FRMPD4: variants seen among roughly 807,000 people sequenced by gnomAD.
The protein encoded by FRMPD4 is FERM and PDZ domain containing 4, also known as FERM and PDZ domain-containing protein 4.
A neutral mutation model predicts 94.1 loss-of-function variants in FRMPD4; 22 were observed. The ratio of observed to expected loss-of-function variants is 0.23; its 90% CI spans 0.17 to 0.33. The LOEUF is 0.33. Among genes scored for constraint, FRMPD4 ranks in the 10% least tolerant of loss-of-function variants. The probability of loss-of-function intolerance (pLI) is 1.00; values close to 1 mark genes in which losing one functional copy is unlikely to be tolerated. For synonymous variants in FRMPD4, 631 were observed against 548.6 expected, an observed-to-expected ratio of 1.15 and a Z score of -2.10; for missense variants, 1,111 against 1,339.9, an observed-to-expected ratio of 0.83 and a Z score of 2.67.
chrX:12,609,693 GT>G (rs774242326), intron 2 of FRMPD4, 27 bp from the exon 3 acceptor site: 9 of 1,179,610 alleles, frequency 7.6e-6, no homozygotes, highest in African/African-American at 3.5e-5. Flanking sequence ...TTGATGCCTT[GT>G]TTCTCTTGTA....
intron 4 of FRMPD4, among the ~76,000 whole-genome samples, chrX:12,661,270 T>G (rs1364316697): frequency 3.6e-5 from 4 of 112,441 alleles, no homozygotes; most frequent in Non-Finnish European, 5.6e-5. Flanking sequence ...AGCAATACAA[T>G]TATCCAGTTT....
intron 1 of FRMPD4, among the ~76,000 whole-genome samples, chrX:11,862,960 G>GT (rs772255596): frequency 0.076 from 3,631 of 47,617 alleles, 547 homozygotes; most frequent in East Asian, 0.19. Flanking sequence ...AGGGAACTTG[G>GT]TTTTTTTTTT....
At chrX:12,611,602 C>T (rs1206716534) in intron 3 of FRMPD4, among the ~76,000 whole-genome samples, 1 of 112,067 alleles carries the variant, frequency 8.9e-6, no homozygotes, top group African/African-American at 3.2e-5. Context: ...AATGTTTGGC[C>T]AGTTGAGTGT....
At position 12,601,160 on chromosome X, in the gene FRMPD4, C is replaced by T. The variant is rs373280560; in HGVS notation, c.159-8561C>T. Among the ~76,000 whole-genome samples the T allele has an allele frequency of 1.2e-4, 13 of 111,914 alleles. No individual in the cohort carries two copies. The East Asian group carries it at 2.8e-3, about 24-fold the overall frequency. On this transcript the variant is annotated intron_variant, in intron 2 of 16. Transcript: ENST00000675598. Reference sequence around the variant, plus strand: ...GGCTTTTCAAGTACTATGTAAGTTTCCAAGCTTGACTAAACAGTTCTAAAT... The same window carrying T: ...GGCTTTTCAAGTACTATGTAAGTTTTCAAGCTTGACTAAACAGTTCTAAAT...
intron 3 of FRMPD4, among the ~76,000 whole-genome samples, chrX:12,072,948 C>A (rs1215127486): frequency 9.1e-6 from 1 of 109,920 alleles, no homozygotes; most frequent in Non-Finnish European, 1.9e-5. Context: ...TATATTCATG[C>A]AACATGTACT....
intron 1 of FRMPD4, among the ~76,000 whole-genome samples, chrX:11,842,916 A>G (rs1428769231): frequency 1.8e-5 from 2 of 110,713 alleles, no homozygotes; most frequent in Non-Finnish European, 3.8e-5. Flanking sequence ...ATTTTGAGAT[A>G]CATCCCATCA....
chrX:11,878,853 T>A (rs962034022), intron 3 of FRMPD4, among the ~76,000 whole-genome samples: 6 of 111,907 alleles, frequency 5.4e-5, no homozygotes, highest in African/African-American at 1.6e-4. Context: ...ATTCTATGAT[T>A]ATTGAGTGTT....
intron 1 of FRMPD4, among the ~76,000 whole-genome samples, chrX:11,839,820 G>A (rs2053523385): frequency 9.0e-6 from 1 of 110,572 alleles, no homozygotes; most frequent in Admixed American, 9.7e-5. Flanking sequence ...TGTAAAGGCT[G>A]TTTTTTCTGT....
chrX:12,020,556 G>A (rs188188447), intron 3 of FRMPD4, among the ~76,000 whole-genome samples: 1 of 111,917 alleles, frequency 8.9e-6, no homozygotes, highest in African/African-American at 3.2e-5. Context: ...TCATGAGCCA[G>A]GCCTGGAAAT....
intron 5 of FRMPD4, 80 bp from the exon 6 acceptor site, chrX:12,683,403 A>G: frequency 1.2e-5 from 6 of 519,399 alleles, no homozygotes; most frequent in Non-Finnish European, 2.0e-5. Flanking sequence ...AAATTATTGC[A>G]TACCTAAGAT....
chrX:12,029,309 T>C (rs2054678621), intron 3 of FRMPD4, among the ~76,000 whole-genome samples: 1 of 112,472 alleles, frequency 8.9e-6, no homozygotes, highest in Non-Finnish European at 1.9e-5. Context: ...CTTTGGCCCA[T>C]TTTAAAAATT....
chrX:12,559,426 G>C (rs2058628574), intron 2 of FRMPD4, among the ~76,000 whole-genome samples: 1 of 111,321 alleles, frequency 9.0e-6, no homozygotes. Flanking sequence ...AAGGCGGGCA[G>C]ATCATTTGAG....
At chrX:11,911,970 G>T (rs2053998945) in intron 3 of FRMPD4, among the ~76,000 whole-genome samples, 1 of 111,585 alleles carries the variant, frequency 9.0e-6, no homozygotes, top group Admixed American at 9.5e-5. Flanking sequence ...TGGTATCCTG[G>T]CTCTGTTTGT....
intron 2 of FRMPD4, among the ~76,000 whole-genome samples, chrX:12,538,173 G>A (rs760983885): frequency 2.7e-5 from 3 of 111,654 alleles, no homozygotes; most frequent in South Asian, 7.8e-4. Context: ...GGCACACCAC[G>A]AGATTATAGC....
intron 2 of FRMPD4, among the ~76,000 whole-genome samples, chrX:12,565,773 C>T (rs1022713042): frequency 7.1e-5 from 8 of 112,014 alleles, no homozygotes; most frequent in African/African-American, 2.3e-4. Flanking sequence ...ATGTTGGTTT[C>T]TTAGTTGTGA....
chrX:12,594,982 G>A (rs1414142490), intron 2 of FRMPD4, among the ~76,000 whole-genome samples: 1 of 111,756 alleles, frequency 8.9e-6, no homozygotes, highest in Admixed American at 9.5e-5. Flanking sequence ...CCACCTCATA[G>A]GTTCGTTGTG....
rs954337274 is a variant in FRMPD4 at position 12,466,626 on chromosome X, T to C, written c.42-32054T>C. On this transcript the variant is annotated intron_variant, in intron 1 of 16. Transcript: ENST00000675598. ...GAACAAGAGTCAAAGGAACATTCAT[T>C]TTTGAATGCTTGCAGTCCTCAAATC... 8.0e-5 allele frequency among the ~76,000 whole-genome samples: 9 copies of C among 112,264 alleles called. No individual in the cohort carries two copies. In the Admixed American group the frequency reaches 8.5e-4, roughly 11 times the overall value.
chrX:12,230,977 TATATATAGTATATATAGTATATATA>T, intron 1 of FRMPD4, among the ~76,000 whole-genome samples: 2 of 48,601 alleles, frequency 4.1e-5, no homozygotes, highest in African/African-American at 7.6e-5. Context: ...TATATAGTAA[TATATATAGTATATATAGTATATATA>T]ATATATAGTA....
chrX:12,055,252 C>A (rs146131317), intron 3 of FRMPD4, among the ~76,000 whole-genome samples: 2 of 111,801 alleles, frequency 1.8e-5, no homozygotes, highest in Non-Finnish European at 3.8e-5. Flanking sequence ...TGAGTTGATA[C>A]GATTTGGATG....
Sources: allele counts gnomAD v4.1 joint callset (sites outside exome capture counted in the v4.1 genomes callset), GRCh38; gene constraint gnomAD v4.1.1; transcripts MANE v1.5; gene names NCBI Gene and HGNC (gene_info 2026-07-23, HGNC 2026-07-21).